The following ZNF277 variants were observed in gnomAD, a reference collection of about 807,000 sequenced individuals.
ZNF277 encodes nuclear receptor-interacting factor 4.
A neutral mutation model predicts 60.7 loss-of-function variants in ZNF277; 55 were observed. The observed-to-expected ratio is 0.91, with a 90% confidence interval of 0.73 to 1.13. The LOEUF (loss-of-function observed/expected upper bound fraction) is 1.13. Among genes scored for constraint, ZNF277 ranks in the 50% most tolerant of loss-of-function variants. The probability of loss-of-function intolerance (pLI) is 0.00; values close to 1 mark genes in which losing one functional copy is unlikely to be tolerated. For missense variants in ZNF277, 510 were observed against 523.0 expected (o/e 0.98, Z 0.24); for synonymous variants, 178 against 179.3 (o/e 0.99, Z 0.06).
intron 4 of ZNF277, among the ~76,000 whole-genome samples, chr7:112,306,701 C>T (rs1792604124): frequency 6.6e-6 from 1 of 151,632 alleles, no homozygotes. Context: ...CAGGTTGTTT[C>T]CAGACCTGAC....
chr7:112,218,383 T>C (rs988624832), intron 1 of ZNF277, among the ~76,000 whole-genome samples: 3 of 152,242 alleles, frequency 2.0e-5, no homozygotes, highest in Non-Finnish European at 4.4e-5. Context: ...GTATGTATTA[T>C]GTACAGCATG....
chr7:112,286,737 A>G lies in ZNF277; in HGVS notation c.92-136A>G, dbSNP rs947542246. On this transcript the variant is annotated intron_variant, in intron 1 of 11. Transcript: ENST00000361822. ...ATAAAGTATCCTACTCTCCAGCACT[A>G]TGTATTTTTCTTTTTGGAGACATGT... 38 of 708,498 alleles carry G rather than the reference A, an allele frequency of 5.4e-5. No homozygotes were observed. The Middle Eastern group carries it at 2.0e-3, about 36-fold the overall frequency. 43.9% of individuals were successfully genotyped at this position (708,498 alleles called of 1,614,324 possible).
intron 1 of ZNF277, among the ~76,000 whole-genome samples, chr7:112,284,053 C>G (rs549726176): frequency 6.6e-6 from 1 of 152,322 alleles, no homozygotes; most frequent in South Asian, 2.1e-4. Context: ...GTTTAGGCTA[C>G]TGACTAACAT....
At chr7:112,249,498 A>G (rs925008298) in intron 1 of ZNF277, among the ~76,000 whole-genome samples, 1 of 152,038 alleles carries the variant, frequency 6.6e-6, no homozygotes, top group Non-Finnish European at 1.5e-5. Context: ...AGCTTTGCAA[A>G]CTTAGTTGAT....
intron 1 of ZNF277, among the ~76,000 whole-genome samples, chr7:112,238,133 C>T (rs1411148897): frequency 2.0e-5 from 3 of 152,176 alleles, no homozygotes; most frequent in Non-Finnish European, 4.4e-5. Flanking sequence ...CTGGTTTTAA[C>T]ATCACATCAA....
chr7:112,230,595 A>G (rs1822297994), intron 1 of ZNF277, among the ~76,000 whole-genome samples: 2 of 152,204 alleles, frequency 1.3e-5, no homozygotes, highest in Admixed American at 1.3e-4. Flanking sequence ...TCACAGATCA[A>G]GTAATTAAAC....
intron 1 of ZNF277, among the ~76,000 whole-genome samples, chr7:112,285,492 T>G (rs1178181956): frequency 6.7e-6 from 1 of 149,050 alleles, no homozygotes; most frequent in African/African-American, 2.5e-5. Context: ...TAGAGTGCAG[T>G]GGCGCCATCT....
chr7:112,291,986 T>G (rs1315882715), intron 2 of ZNF277, among the ~76,000 whole-genome samples: 1 of 152,192 alleles, frequency 6.6e-6, no homozygotes, highest in African/African-American at 2.4e-5. Context: ...AAGAGAACAC[T>G]CAAATGACAA....
chr7:112,329,785 T>G (rs1443133226), intron 6 of ZNF277, among the ~76,000 whole-genome samples: 1 of 152,214 alleles, frequency 6.6e-6, no homozygotes, highest in Non-Finnish European at 1.5e-5. Context: ...CATACTTATT[T>G]TAGAATAGGT....
chr7:112,329,740 T>C (rs1363619057), intron 6 of ZNF277, among the ~76,000 whole-genome samples: 1 of 152,284 alleles, frequency 6.6e-6, no homozygotes, highest in South Asian at 2.1e-4. Context: ...GTGCAGTCAG[T>C]GCAAGTCATT....
chr7:112,267,754 G>A (rs1791582459), intron 1 of ZNF277, among the ~76,000 whole-genome samples: 1 of 152,092 alleles, frequency 6.6e-6, no homozygotes, highest in Admixed American at 6.6e-5. Flanking sequence ...GAGAGTCATG[G>A]AGGGAAAGAA....
intron 10 of ZNF277, among the ~76,000 whole-genome samples, chr7:112,340,196 C>G (rs1056868706): frequency 6.6e-6 from 1 of 152,148 alleles, no homozygotes; most frequent in Non-Finnish European, 1.5e-5. Context: ...TTAAGTCAAA[C>G]TAGAGTTCAG....
At chr7:112,289,686 T>C (rs188018119) in intron 2 of ZNF277, among the ~76,000 whole-genome samples, 24 of 152,278 alleles carry the variant, frequency 1.6e-4, no homozygotes, top group Admixed American at 2.6e-4. Flanking sequence ...TTGAAAGAAA[T>C]ACTACATAGG....
At chr7:112,286,048 C>G (rs1792056548) in intron 1 of ZNF277, among the ~76,000 whole-genome samples, 1 of 152,176 alleles carries the variant, frequency 6.6e-6, no homozygotes, top group African/African-American at 2.4e-5. Context: ...GACGTCCACT[C>G]TGGCAGACTA....
At chr7:112,211,786 C>T (rs1476685021) in intron 1 of ZNF277, among the ~76,000 whole-genome samples, 1 of 152,186 alleles carries the variant, frequency 6.6e-6, no homozygotes. Flanking sequence ...ATCCACTTAC[C>T]ATGTCACACT....
At chr7:112,210,352 T>C (rs1013859113) in intron 1 of ZNF277, among the ~76,000 whole-genome samples, 23 of 152,074 alleles carry the variant, frequency 1.5e-4, no homozygotes, top group African/African-American at 5.6e-4. Context: ...TGCAGGCAGG[T>C]GCAACACTCA....
chr7:112,215,164 G>A (rs1037949271), intron 1 of ZNF277, among the ~76,000 whole-genome samples: 1 of 152,212 alleles, frequency 6.6e-6, no homozygotes, highest in Admixed American at 6.5e-5. Flanking sequence ...GCTAAAAGCT[G>A]TATGACCTTC....
At chr7:112,231,387 A>G (rs1822325471) in intron 1 of ZNF277, among the ~76,000 whole-genome samples, 1 of 152,200 alleles carries the variant, frequency 6.6e-6, no homozygotes, top group South Asian at 2.1e-4. Context: ...ACTTACATTC[A>G]TATCTACTGC....
intron 1 of ZNF277, among the ~76,000 whole-genome samples, chr7:112,244,197 A>G (rs1253329899): frequency 6.6e-6 from 1 of 152,124 alleles, no homozygotes; most frequent in Non-Finnish European, 1.5e-5. Flanking sequence ...TACACTATTC[A>G]GGTAATGTAA....
Sources: gnomAD v4.1 joint callset for allele counts (sites outside exome capture counted in the v4.1 genomes callset) on GRCh38, gnomAD v4.1.1 for gene constraint, MANE v1.5 for transcripts, NCBI Gene and HGNC (gene_info 2026-07-23, HGNC 2026-07-21) for gene names.